Variants in BLM observed in about 807,000 individuals in gnomAD.
The protein encoded by BLM is recQ-like DNA helicase BLM.
A neutral mutation model predicts 135.3 loss-of-function variants in BLM; 95 were observed. The observed-to-expected ratio is 0.70, with a 90% CI of 0.59 to 0.83. The LOEUF (loss-of-function observed/expected upper bound fraction) is 0.83, where lower values mean the gene tolerates loss of function less well. Ranked by LOEUF, BLM falls within the 40% of genes least tolerant of loss-of-function variation. BLM has a pLI of 0.00. For synonymous variants in BLM, 520 were observed against 589.2 expected (o/e 0.88, Z 1.70); for missense variants, 1,518 against 1,663.9 (o/e 0.91, Z 1.53).
At chr15:90,795,840 G>A (rs936669172) in intron 16 of BLM, among the ~76,000 whole-genome samples, 2 of 152,266 alleles carry the variant, frequency 1.3e-5, no homozygotes, top group African/African-American at 4.8e-5. Context: ...GGAGGAATGG[G>A]TAGAGTGCAG....
intron 12 of BLM, among the ~76,000 whole-genome samples, chr15:90,775,380 TG>T (rs1896446130): frequency 6.6e-6 from 1 of 151,890 alleles, no homozygotes; most frequent in Non-Finnish European, 1.5e-5. Flanking sequence ...ATACCTTCTT[TG>T]GTCACATGTA....
chr15:90,810,915 A>G (rs1298310748), intron 20 of BLM, among the ~76,000 whole-genome samples: 1 of 152,234 alleles, frequency 6.6e-6, no homozygotes, highest in Admixed American at 6.5e-5. Context: ...AACACAGGCC[A>G]TATGCGACAG....
rs1001641775 is a variant in BLM at position 90,811,483 on chromosome 15, T to C, written c.4076+77T>C. The C allele has an allele frequency of 5.5e-6, 8 of 1,455,456 alleles. No homozygotes were observed. The African/African-American group carries it at 1.1e-4, about 21-fold the overall frequency. 90.2% of individuals were successfully genotyped at this position (1,455,456 alleles called of 1,614,324 possible). A position where few individuals can be genotyped will look rare whatever the true frequency, so the allele number is the denominator to read the frequency against. On this transcript the variant is annotated intron_variant, in intron 21 of 21. Transcript: ENST00000355112. The stretch of plus-strand genomic sequence containing the variant: ...AAAGTGCAACAGCTCTGCCTTGCTT[T>C]GAAGGATTTATTAAAATAAGCCATT...
At chr15:90,767,075 T>A in intron 10 of BLM, 52 bp downstream of exon 10, 1 of 1,188,458 alleles carries the variant, frequency 8.4e-7, no homozygotes, top group Non-Finnish European at 1.2e-6. Context: ...CTAGAATACA[T>A]ATATTTTTAA....
intron 12 of BLM, among the ~76,000 whole-genome samples, chr15:90,774,468 A>G (rs1685467772): frequency 6.6e-6 from 1 of 152,060 alleles, no homozygotes; most frequent in Non-Finnish European, 1.5e-5. Context: ...TATTACAGCT[A>G]TATGAAGTGG....
At chr15:90,783,466 G>A (rs1896666541) in intron 13 of BLM, among the ~76,000 whole-genome samples, 1 of 152,130 alleles carries the variant, frequency 6.6e-6, no homozygotes. Flanking sequence ...ACCTCCCCCA[G>A]GCAGCTAATG....
At chr15:90,772,223 G>A (rs953015485) in intron 12 of BLM, among the ~76,000 whole-genome samples, 1 of 152,172 alleles carries the variant, frequency 6.6e-6, no homozygotes, top group African/African-American at 2.4e-5. Flanking sequence ...GGCGAAGTCA[G>A]GTATTCCTAA....
In BLM at chr15:90,766,959, A is replaced by G; in HGVS notation, c.2243A>G (p.Asn748Ser). Residue 748 changes from asparagine (N) to serine (S), a missense_variant, in exon 10 of 22, where the codon AAT becomes AGT. Transcript: ENST00000355112. ...GATAAGACTGACTCAGAAGCTACAAATATTTACCTCCAGTTATCAAAAAAA... is the reference window on the plus strand; with the variant it reads ...GATAAGACTGACTCAGAAGCTACAAGTATTTACCTCCAGTTATCAAAAAAA... ...TGDKTDSEAT[N>S]IYLQLSKKDP... The G allele has an allele frequency of 6.2e-7, 1 of 1,606,616 alleles. No individual in the cohort carries two copies. The highest frequency in any genetic ancestry group is 8.5e-7 in the Non-Finnish European group (1 of 1,174,080).
chr15:90,761,281 T>A, intron 7 of BLM, 26 bp downstream of exon 7: 1 of 1,437,584 alleles, frequency 7.0e-7, no homozygotes, highest in Non-Finnish European at 9.3e-7. Flanking sequence ...ATTGAATGCT[T>A]ATATGAAAAC....
chr15:90,786,387 G>A (rs868288405), intron 14 of BLM, among the ~76,000 whole-genome samples: 18 of 152,178 alleles, frequency 1.2e-4, no homozygotes, highest in African/African-American at 4.1e-4. Context: ...GTAGACACCT[G>A]GGAGTGGACT....
rs563429985 is a variant in BLM, at chr15:90,784,106, A to G, written c.2663-815A>G. 2.0e-5 allele frequency among the ~76,000 whole-genome samples: 3 copies of G among 152,226 alleles called. No individual in the cohort carries two copies. The East Asian group carries it at 5.8e-4, about 29-fold the overall frequency. The stretch of plus-strand genomic sequence containing the variant: ...TAAAAACTTAGAAAACACTTTTGAT[A>G]GTTATAGTATATTTTATTTCACAGT... On this transcript the variant is annotated intron_variant, in intron 13 of 21. Coordinates refer to ENST00000355112, the MANE Select transcript of BLM (RefSeq NM_000057.4).
At chr15:90,779,646 GT>G (rs1896569699) in intron 12 of BLM, among the ~76,000 whole-genome samples, 1 of 152,096 alleles carries the variant, frequency 6.6e-6, no homozygotes, top group Non-Finnish European at 1.5e-5. Context: ...TCAAAGTATT[GT>G]TTAACGGTAG....
intron 1 of BLM, among the ~76,000 whole-genome samples, chr15:90,723,344 CTTT>C (rs1190556628): frequency 7.8e-6 from 1 of 128,362 alleles, no homozygotes; most frequent in African/African-American, 2.8e-5. Flanking sequence ...TTTTTCTTTT[CTTT>C]TTTTTTTTTT....
chr15:90,769,193 G>C lies in BLM; in HGVS notation c.2368G>C (p.Ala790Pro). The C allele has an allele frequency of 1.9e-5, 31 of 1,613,858 alleles. No homozygotes were observed. Among genetic ancestry groups the C allele is most frequent in the Non-Finnish European group, 2.5e-5 (30 of 1,179,736 alleles). ...GAATCTCTATGAGAGGAAGCTCTTG[G>C]CACGTTTTGTTATTGATGAAGCACA... ...LENLYERKLL[A>P]RFVIDEAHCV... Residue 790 changes from alanine (A) to proline (P), a missense_variant, in exon 11 of 22, where the codon GCA becomes CCA. Ala to Pro is a conservative substitution (Grantham distance 27, BLOSUM62 -1). Transcript: ENST00000355112.
chr15:90,779,148 G>A (rs577079886), intron 12 of BLM, among the ~76,000 whole-genome samples: 1 of 152,188 alleles, frequency 6.6e-6, no homozygotes, highest in Admixed American at 6.5e-5. Flanking sequence ...GCCTCCCAAA[G>A]TGCTGGAATT....
At chr15:90,737,350 C>T (rs1389226870) in intron 1 of BLM, among the ~76,000 whole-genome samples, 1 of 151,968 alleles carries the variant, frequency 6.6e-6, no homozygotes, top group Admixed American at 6.6e-5. Flanking sequence ...TTTATATTTC[C>T]TAGATCTGTC....
intron 12 of BLM, among the ~76,000 whole-genome samples, chr15:90,772,444 A>G (rs1896348065): frequency 6.6e-6 from 1 of 152,222 alleles, no homozygotes; most frequent in African/African-American, 2.4e-5. Context: ...CAGCCTACTC[A>G]GTGTGCCAGG....
chr15:90,785,998 CTTTTTTTTTTTT>C (rs869185558), intron 14 of BLM, among the ~76,000 whole-genome samples: 1 of 110,704 alleles, frequency 9.0e-6, no homozygotes, highest in Non-Finnish European at 1.9e-5. Context: ...TCGTTTCTTT[CTTTTTTTTTTTT>C]TTTTTTTTTT....
intron 1 of BLM, among the ~76,000 whole-genome samples, chr15:90,721,857 G>A (rs1331372249): frequency 1.3e-5 from 2 of 151,158 alleles, no homozygotes; most frequent in Non-Finnish European, 2.9e-5. Flanking sequence ...CTTGAACCCA[G>A]GAGGCAGAGA....
Sources: allele counts gnomAD v4.1 joint callset (sites outside exome capture counted in the v4.1 genomes callset), GRCh38; gene constraint gnomAD v4.1.1; transcripts MANE v1.5; gene names NCBI Gene and HGNC (gene_info 2026-07-23, HGNC 2026-07-21).